ME2: variants seen among roughly 807,000 people sequenced by gnomAD.
The protein encoded by ME2 is malic enzyme 2.
A neutral mutation model predicts 73.7 loss-of-function variants in ME2; 60 were observed. That is an observed-to-expected ratio of 0.81 (90% CI 0.66 to 1.01). ME2 has a LOEUF of 1.01. ME2 is among the 50% of genes least tolerant of loss of function. The pLI is 0.00. For synonymous variants in ME2, 199 were observed against 236.9 expected, an observed-to-expected ratio of 0.84 and a Z score of 1.47; for missense variants, 594 against 705.5, an observed-to-expected ratio of 0.84 and a Z score of 1.79.
chr18:50,945,494 T>C (rs1455095797), intron 15 of ME2, among the ~76,000 whole-genome samples: 1 of 152,212 alleles, frequency 6.6e-6, no homozygotes, highest in African/African-American at 2.4e-5. Context: ...CCTACTTCTT[T>C]TTCCTAGTCA....
intron 10 of ME2, among the ~76,000 whole-genome samples, 154 bp from the exon 11 acceptor site, chr18:50,923,944 A>T (rs764323698): frequency 6.6e-6 from 1 of 152,120 alleles, no homozygotes. Flanking sequence ...CATGATGAAG[A>T]TAGAGTTGGA....
rs1290873438 is a variant in ME2 at position 50,953,842 on chromosome 18, C to T, written c.*6658C>T. 2.0e-5 allele frequency: 3 copies of T among 152,146 alleles called. No homozygotes were observed. The highest frequency in any genetic ancestry group is 4.4e-5 in the Non-Finnish European group (3 of 68,024). The allele number at this position is 152,146 out of a possible 1,614,324, so 9.4% of individuals were successfully genotyped here. On this transcript the variant is annotated 3_prime_UTR_variant, in exon 16 of 16. Transcript: ENST00000321341. ...AGACCTAGTTTAGCTAAATATATGA[C>T]AATATAAAATGTCTGCCCAATGTTT... is the stretch of plus-strand genomic sequence containing the variant.
intron 15 of ME2, 145 bp downstream of exon 15, chr18:50,940,531 C>G (rs1917922312): frequency 3.2e-6 from 2 of 622,546 alleles, no homozygotes; most frequent in Non-Finnish European, 5.6e-6. Flanking sequence ...CAGAATATAA[C>G]ACACATGATT....
At chr18:50,928,922 A>G (rs1243279431) in intron 12 of ME2, among the ~76,000 whole-genome samples, 4 of 152,150 alleles carry the variant, frequency 2.6e-5, no homozygotes, top group Non-Finnish European at 5.9e-5. Flanking sequence ...TGCTAGGCTC[A>G]TATATCTTGC....
chr18:50,887,082 A>G (rs1018688474), intron 1 of ME2, among the ~76,000 whole-genome samples: 4 of 152,210 alleles, frequency 2.6e-5, no homozygotes, highest in Non-Finnish European at 5.9e-5. Context: ...TTAAGTAAGA[A>G]TATGAGAGCA....
At chr18:50,930,116 C>A (rs1917658936) in intron 12 of ME2, among the ~76,000 whole-genome samples, 1 of 151,928 alleles carries the variant, frequency 6.6e-6, no homozygotes, top group African/African-American at 2.4e-5. Context: ...AAAAATTAGC[C>A]AAGCATGGTG....
chr18:50,951,232 G>C lies in ME2; in HGVS notation c.*4048G>C, dbSNP rs111759412. 1 of 152,140 alleles carries C rather than the reference G, an allele frequency of 6.6e-6. No individual in the cohort carries two copies. The highest frequency in any genetic ancestry group is 2.4e-5 in the African/African-American group (1 of 41,420). The allele number at this position is 152,140 out of a possible 1,614,324, so 9.4% of individuals were successfully genotyped here. ...TTTTTCTGTAACTTGTCAGCCTCTG[G>C]AGAAATAGGATTTTACATTTTTGCA... On this transcript the variant is annotated 3_prime_UTR_variant, in exon 16 of 16. Transcript: ENST00000321341.
At chr18:50,902,062 T>G (rs970334621) in intron 2 of ME2, among the ~76,000 whole-genome samples, 1 of 152,220 alleles carries the variant, frequency 6.6e-6, no homozygotes, top group Admixed American at 6.5e-5. Flanking sequence ...ATGGACTCTA[T>G]TTAGAATAAT....
At chr18:50,920,795 C>T (rs571098710) in intron 9 of ME2, 37 bp downstream of exon 9, 2 of 1,453,398 alleles carry the variant, frequency 1.4e-6, no homozygotes, top group Admixed American at 2.0e-5. Context: ...TAAGCCTATC[C>T]TCTCTTATAG....
chr18:50,900,721 G>C (rs1916869165), intron 2 of ME2, among the ~76,000 whole-genome samples: 1 of 152,010 alleles, frequency 6.6e-6, no homozygotes, highest in African/African-American at 2.4e-5. Context: ...CTGAATCGTG[G>C]GGGTGGTTTC....
intron 1 of ME2, among the ~76,000 whole-genome samples, chr18:50,880,506 G>T (rs1361602500): frequency 6.6e-6 from 1 of 152,156 alleles, no homozygotes; most frequent in Non-Finnish European, 1.5e-5. Flanking sequence ...ATACATATAG[G>T]CCGTTCGCGG....
At chr18:50,917,612 AT>A in intron 6 of ME2, 104 bp downstream of exon 6, 1 of 787,340 alleles carries the variant, frequency 1.3e-6, no homozygotes, top group Non-Finnish European at 1.8e-6. Flanking sequence ...AAGTTTTATG[AT>A]TAGATTTTTT....
chr18:50,941,868 C>T (rs959536153), intron 15 of ME2, among the ~76,000 whole-genome samples: 22 of 151,522 alleles, frequency 1.5e-4, no homozygotes, highest in Non-Finnish European at 3.1e-4. Flanking sequence ...TTTAATCTTG[C>T]ATATTTAATA....
intron 2 of ME2, among the ~76,000 whole-genome samples, chr18:50,902,759 A>G (rs1189715803): frequency 1.3e-5 from 2 of 152,222 alleles, no homozygotes; most frequent in Non-Finnish European, 2.9e-5. Flanking sequence ...TAAGATTATA[A>G]CATATACTTT....
At chr18:50,944,220 A>G (rs1203746653) in intron 15 of ME2, among the ~76,000 whole-genome samples, 1 of 152,172 alleles carries the variant, frequency 6.6e-6, no homozygotes, top group Non-Finnish European at 1.5e-5. Context: ...TCTCTAAGAA[A>G]GAAAAAAGAG....
chr18:50,945,254 A>C (rs1316333783), intron 15 of ME2: 1 of 152,276 alleles, frequency 6.6e-6, no homozygotes, highest in Non-Finnish European at 1.5e-5. Flanking sequence ...AGTAGCTGGG[A>C]TTACAGGTGC....
chr18:50,933,288 A>C (rs1917741055), intron 13 of ME2: 1 of 152,102 alleles, frequency 6.6e-6, no homozygotes, highest in Non-Finnish European at 1.5e-5. Flanking sequence ...TTTCTTTTGC[A>C]CTTGTGTCTT....
In ME2 at chr18:50,891,533, A is replaced by G. The variant is rs117953354; in HGVS notation, c.-12-4276A>G. 2.4e-4 allele frequency among the ~76,000 whole-genome samples: 36 copies of G among 152,346 alleles called. No individual in the cohort carries two copies. In the East Asian group the frequency reaches 6.7e-3, roughly 29 times the overall value. On this transcript the variant is annotated intron_variant, in intron 1 of 15. Coordinates refer to ENST00000321341, the MANE Select transcript of ME2 (RefSeq NM_002396.5). Reference sequence around the variant, plus strand: ...ATTTATTCCATAAGCACCTAAGCCAATAAGCCTTTTTCATGGAAAGTCCCA... The same window carrying G: ...ATTTATTCCATAAGCACCTAAGCCAGTAAGCCTTTTTCATGGAAAGTCCCA...
chr18:50,917,612 A>T (rs767629348), intron 6 of ME2, 104 bp downstream of exon 6: 8 of 787,342 alleles, frequency 1.0e-5, no homozygotes, highest in Middle Eastern at 2.7e-4. Context: ...AAGTTTTATG[A>T]TTAGATTTTT....
Sources: gnomAD v4.1 joint callset for allele counts (sites outside exome capture counted in the v4.1 genomes callset) on GRCh38, gnomAD v4.1.1 for gene constraint, MANE v1.5 for transcripts, NCBI Gene and HGNC (gene_info 2026-07-23, HGNC 2026-07-21) for gene names.